Variants in SUCNR1 observed in about 807,000 individuals in gnomAD.
The protein encoded by SUCNR1 is G-protein coupled receptor 91.
In SUCNR1, 5 loss-of-function variants were observed where a neutral mutation model predicts 2.4. That is an observed-to-expected ratio of 2.07 (90% CI 1.08 to 4.36). The LOEUF (loss-of-function observed/expected upper bound fraction) is 4.36, where lower values mean the gene tolerates loss of function less well. Among genes scored for constraint, SUCNR1 ranks in the 30% most tolerant of loss-of-function variants. SUCNR1 has a pLI of 0.00. For missense variants in SUCNR1, 373 were observed against 399.2 expected (o/e 0.93, Z 0.56); for synonymous variants, 162 against 143.9 (o/e 1.13, Z -0.90).
Position 151,880,834 on chromosome 3 carries a change from C to CAACCGA in SUCNR1, c.292_297dup (p.Asn98_Arg99dup). ...TATATGGAGACGTGCTCTGCATAAG[C>CAACCGA]AACCGATATGTGCTTCATGCCAACC... On this transcript the variant is annotated inframe_insertion, in exon 3 of 3. Transcript: ENST00000362032. 1 of 1,614,132 alleles carries CAACCGA rather than the reference C, an allele frequency of 6.2e-7. No individual in the cohort carries two copies. Among genetic ancestry groups the CAACCGA allele is most frequent in the Non-Finnish European group, 8.5e-7 (1 of 1,180,014 alleles).
rs1453666971 is a variant in SUCNR1, at chr3:151,881,675, G to GT, written c.*128dup. On this transcript the variant is annotated 3_prime_UTR_variant, in exon 3 of 3. Transcript: ENST00000362032. ...GATCTAAAGACAAGTTGTACCCAGA[G>GT]TATGTGAAAAGAATGGGACGACAAG... 1 of 865,248 alleles carries GT rather than the reference G, an allele frequency of 1.2e-6. No individual in the cohort carries two copies. The highest frequency in any genetic ancestry group is 1.7e-6 in the Non-Finnish European group (1 of 571,564). The allele number at this position is 865,248 out of a possible 1,614,324, so 53.6% of individuals were successfully genotyped here.
At chr3:151,874,275 A>G (rs1036689157) in intron 1 of SUCNR1, among the ~76,000 whole-genome samples, 6 of 150,734 alleles carry the variant, frequency 4.0e-5, no homozygotes, top group Non-Finnish European at 8.9e-5. Flanking sequence ...CTGGGGTTCA[A>G]GCAATTCTCC....
chr3:151,880,553 C>T lies in SUCNR1; in HGVS notation c.16-6C>T. 6.3e-7 allele frequency: 1 copy of T among 1,589,436 alleles called. No homozygotes were observed. The highest frequency in any genetic ancestry group is 1.7e-4 in the Middle Eastern group (1 of 5,908). On this transcript the variant is annotated splice_region_variant and splice_polypyrimidine_tract_variant and intron_variant, in intron 2 of 2. Coordinates refer to ENST00000362032, the MANE Select transcript of SUCNR1 (RefSeq NM_033050.6). ...TTAATCCTTATATTTTCTCTCTCTTCTTTAGGCATGGAATGCAACTTGCAA... is the reference window on the plus strand; with the variant it reads ...TTAATCCTTATATTTTCTCTCTCTTTTTTAGGCATGGAATGCAACTTGCAA...
rs568751883 is a variant in SUCNR1 at position 151,882,793 on chromosome 3, A to G, written c.*1245A>G. The stretch of plus-strand genomic sequence containing the variant: ...AGGCCCCATTTCCTGCACAAAACAA[A>G]TGTAGGGGAAAAAATGGGTGCTGCA... On this transcript the variant is annotated 3_prime_UTR_variant, in exon 3 of 3. Coordinates refer to ENST00000362032, the MANE Select transcript of SUCNR1 (RefSeq NM_033050.6). The G allele has an allele frequency of 3.3e-5, 5 of 152,290 alleles. No homozygotes were observed. Among genetic ancestry groups the G allele is most frequent in the African/African-American group, 1.2e-4 (5 of 41,574 alleles). The allele number at this position is 152,290 out of a possible 1,614,324, so 9.4% of individuals were successfully genotyped here. A position where few individuals can be genotyped will look rare whatever the true frequency, so the allele number is the denominator to read the frequency against.
rs768893513 is a variant in SUCNR1 at position 151,882,132 on chromosome 3, A to T, written c.*584A>T. The T allele has an allele frequency of 6.6e-6, 1 of 152,166 alleles. No individual in the cohort carries two copies. The highest frequency in any genetic ancestry group is 1.5e-5 in the Non-Finnish European group (1 of 68,038). 9.4% of individuals were successfully genotyped at this position (152,166 alleles called of 1,614,324 possible). On this transcript the variant is annotated 3_prime_UTR_variant, in exon 3 of 3. Transcript: ENST00000362032. ...TAACCTTTTTGTTGTATGGGTTTAT[A>T]GTGGAAAGAATCTTAATTTAAATAA...
intron 1 of SUCNR1, among the ~76,000 whole-genome samples, chr3:151,879,642 T>A (rs564418452): frequency 1.3e-5 from 2 of 152,288 alleles, no homozygotes; most frequent in South Asian, 4.1e-4. Context: ...GTCTGAGGCA[T>A]GGCATCTTTC....
intron 1 of SUCNR1, among the ~76,000 whole-genome samples, chr3:151,879,453 A>G (rs1435023113): frequency 6.6e-6 from 1 of 152,162 alleles, no homozygotes; most frequent in Admixed American, 6.6e-5. Flanking sequence ...TACTCTTGTG[A>G]AAGAAGATTA....
chr3:151,878,988 A>C (rs1718002576), intron 1 of SUCNR1, among the ~76,000 whole-genome samples: 3 of 152,176 alleles, frequency 2.0e-5, no homozygotes, highest in Non-Finnish European at 4.4e-5. Flanking sequence ...TCTATTTACC[A>C]AAATTCTAAA....
intron 1 of SUCNR1, among the ~76,000 whole-genome samples, chr3:151,875,755 G>A (rs1011970029): frequency 2.0e-5 from 3 of 152,076 alleles, no homozygotes; most frequent in Non-Finnish European, 2.9e-5. Flanking sequence ...AACTGTATGA[G>A]AAGAAAGACA....
rs1718103717 is a variant in SUCNR1, at chr3:151,881,667, T to C, written c.*119T>C. ...TTAACCTTGATCTAAAGACAAGTTG[T>C]ACCCAGAGTATGTGAAAAGAATGGG... is the stretch of plus-strand genomic sequence containing the variant. On this transcript the variant is annotated 3_prime_UTR_variant, in exon 3 of 3. Transcript: ENST00000362032. 1.1e-6 allele frequency: 1 copy of C among 908,666 alleles called. No homozygotes were observed. The highest frequency in any genetic ancestry group is 2.5e-5 in the East Asian group (1 of 39,774). 56.3% of individuals were successfully genotyped at this position (908,666 alleles called of 1,614,324 possible).
In SUCNR1 at chr3:151,880,682, G is replaced by A. The variant is rs201830245; in HGVS notation, c.139G>A (p.Gly47Ser). 119 of 1,614,006 alleles carry A rather than the reference G, an allele frequency of 7.4e-5. No homozygotes were observed. The highest frequency in any genetic ancestry group is 1.5e-4 in the Admixed American group (9 of 60,006). ...CCTTGGAAATACCATTGTTGTTTAC[G>A]GCTACATCTTCTCTCTGAAGAACTG... ...GVLGNTIVVYGYIFSLKNWNS... is the reference protein window; with the variant it reads ...GVLGNTIVVYSYIFSLKNWNS... The change falls in exon 3 of 3, where the codon GGC becomes AGC. Residue 47 changes from glycine (G) to serine (S), a missense_variant. Gly to Ser is a moderately conservative substitution (Grantham distance 56). This residue lies in a region of SUCNR1 where 184 missense variants were observed against 162.2 expected (regional missense o/e 1.13). Coordinates refer to ENST00000362032, the MANE Select transcript of SUCNR1 (RefSeq NM_033050.6).
rs1200181162 is a variant in SUCNR1, at chr3:151,884,361, CTGTT to C, written c.*2816_*2819del. The C allele has an allele frequency of 6.6e-6, 1 of 152,128 alleles. No individual in the cohort carries two copies. The allele number at this position is 152,128 out of a possible 1,614,324, so 9.4% of individuals were successfully genotyped here. On this transcript the variant is annotated 3_prime_UTR_variant, in exon 3 of 3. Transcript: ENST00000362032. ...AGATGTTTGAGCATAGTTTTAATGA[CTGTT>C]TGAAATCTCTGTCTCCTAGTTCCAA...
In SUCNR1 at chr3:151,883,465, C is replaced by CACATAT. The variant is rs1553737276; in HGVS notation, c.*1918_*1919insCATATA. On this transcript the variant is annotated 3_prime_UTR_variant, in exon 3 of 3. Transcript: ENST00000362032. ...AATATTTTTTCAAACCATAAACTCACATATATATATATATATATATATATA... is the reference window on the plus strand; with the variant it reads ...AATATTTTTTCAAACCATAAACTCACACATATATATATATATATATATATATATATA... 2 of 80,406 alleles carry CACATAT rather than the reference C, an allele frequency of 2.5e-5. No homozygotes were observed. The highest frequency in any genetic ancestry group is 1.0e-3 in the South Asian group (2 of 1,976). 5.0% of individuals were successfully genotyped at this position (80,406 alleles called of 1,614,324 possible).
chr3:151,883,465 CATATATATATATATATATATATAT>C lies in SUCNR1; in HGVS notation c.*1934_*1957del, dbSNP rs57096358. ...AATATTTTTTCAAACCATAAACTCA[CATATATATATATATATATATATAT>C]ATATATATATATATATGTACCTTGT... On this transcript the variant is annotated 3_prime_UTR_variant, in exon 3 of 3. Coordinates refer to ENST00000362032, the MANE Select transcript of SUCNR1 (RefSeq NM_033050.6). The C allele has an allele frequency of 3.7e-4, 30 of 80,406 alleles. No homozygotes were observed. The highest frequency in any genetic ancestry group is 1.8e-3 in the East Asian group (4 of 2,260). 5.0% of individuals were successfully genotyped at this position (80,406 alleles called of 1,614,324 possible).
intron 1 of SUCNR1, among the ~76,000 whole-genome samples, chr3:151,878,179 T>C (rs532499139): frequency 6.6e-6 from 1 of 152,272 alleles, no homozygotes; most frequent in East Asian, 1.9e-4. Context: ...GGTGTCGAGA[T>C]GTCAAAACAC....
At chr3:151,874,625 T>C (rs549672429) in intron 1 of SUCNR1, among the ~76,000 whole-genome samples, 54 of 152,318 alleles carry the variant, frequency 3.5e-4, no homozygotes, top group African/African-American at 1.3e-3. Context: ...ACCATTTCTA[T>C]TCTACCTTCC....
In SUCNR1 at chr3:151,883,131, C is replaced by A. The variant is rs892333232; in HGVS notation, c.*1583C>A. The A allele has an allele frequency of 1.3e-5, 2 of 151,966 alleles. No homozygotes were observed. Among genetic ancestry groups the A allele is most frequent in the Non-Finnish European group, 2.9e-5 (2 of 67,918 alleles). 9.4% of individuals were successfully genotyped at this position (151,966 alleles called of 1,614,324 possible). ...AAAAGATTTATTTTCTTACATCACACCAGGCTTTAAGATATTTTCTGCCAT... is the reference window on the plus strand; with the variant it reads ...AAAAGATTTATTTTCTTACATCACAACAGGCTTTAAGATATTTTCTGCCAT... On this transcript the variant is annotated 3_prime_UTR_variant, in exon 3 of 3. Coordinates refer to ENST00000362032, the MANE Select transcript of SUCNR1 (RefSeq NM_033050.6).
intron 1 of SUCNR1, among the ~76,000 whole-genome samples, chr3:151,875,770 T>C (rs951626167): frequency 2.0e-5 from 3 of 152,172 alleles, no homozygotes; most frequent in African/African-American, 7.2e-5. Context: ...AAGACAAATA[T>C]GATAATTTAG....
intron 1 of SUCNR1, among the ~76,000 whole-genome samples, chr3:151,878,691 T>C (rs1162503628): frequency 1.3e-5 from 2 of 152,150 alleles, no homozygotes; most frequent in Admixed American, 6.6e-5. Flanking sequence ...GAATTGGACT[T>C]AGTGGCAGGT....
Sources: gnomAD v4.1 joint callset for allele counts (sites outside exome capture counted in the v4.1 genomes callset) on GRCh38, gnomAD v4.1.1 for gene constraint, gnomAD v4.1.1 regional missense constraint, MANE v1.5 for transcripts, NCBI Gene and HGNC (gene_info 2026-07-23, HGNC 2026-07-21) for gene names.